DSP: variants seen among roughly 807,000 people sequenced by gnomAD.
DSP encodes 250/210 kDa paraneoplastic pemphigus antigen.
DSP carries 114 observed loss-of-function variants against 290.6 expected under a neutral mutation model. That is an observed-to-expected ratio of 0.39 (90% confidence interval 0.34 to 0.46). DSP has a LOEUF of 0.46. Among genes scored for constraint, DSP ranks in the 20% least tolerant of loss-of-function variants. DSP has a pLI of 0.99. For synonymous variants in DSP, 1,311 were observed against 1,316.4 expected (o/e 1.00, Z 0.09); for missense variants, 3,230 against 3,495.8 (o/e 0.92, Z 1.92).
chr6:7,579,202 G>A lies in DSP; in HGVS notation c.3085-73G>A. 7 of 1,582,218 alleles carry A rather than the reference G, an allele frequency of 4.4e-6. No homozygotes were observed. In the South Asian group the frequency reaches 8.0e-5, roughly 18 times the overall value. On this transcript the variant is annotated intron_variant, in intron 22 of 23. Transcript: ENST00000379802. The surrounding 1 kb of genome is among the most constrained non-coding windows in gnomAD (Gnocchi z 4.1). ...ATAAGAATGCACATTGGTCTGGGAG[G>A]GGAAAAGTACTGCTTCTTTCTTGGA...
intron 1 of DSP, among the ~76,000 whole-genome samples, chr6:7,549,907 CAAAG>C (rs1394539239): frequency 4.6e-5 from 7 of 152,292 alleles, no homozygotes; most frequent in African/African-American, 7.2e-5. Context: ...TTTTATAAAA[CAAAG>C]AGAGTAACTC....
intron 1 of DSP, among the ~76,000 whole-genome samples, chr6:7,544,825 T>G (rs560316050): frequency 6.6e-6 from 1 of 152,320 alleles, no homozygotes; most frequent in South Asian, 2.1e-4. Context: ...GTGTCTTTGT[T>G]TTAGATTGAA....
intron 1 of DSP, among the ~76,000 whole-genome samples, chr6:7,554,082 AAC>A (rs10658102): frequency 0.01 from 1,162 of 115,928 alleles, 3 homozygotes; most frequent in Middle Eastern, 0.025. Context: ...CTTTCTTTAA[AAC>A]ACACACACAC....
chr6:7,574,289 T>C (rs927978832), intron 16 of DSP, 37 bp downstream of exon 16: 1 of 1,600,600 alleles, frequency 6.2e-7, no homozygotes, highest in African/African-American at 1.3e-5. Context: ...ATTTTCCTTT[T>C]CTCAAGCTTC....
rs1377309647 is a variant in DSP, at chr6:7,585,357, G to A, written c.8095G>A (p.Glu2699Lys). Residue 2699 changes from glutamate to lysine, a missense_variant, in exon 24 of 24, where the codon GAG becomes AAG. Around this residue, in one of 5 missense-constraint regions of DSP, gnomAD observed 582 missense variants for 555.4 expected, o/e 1.05. Transcript: ENST00000379802. Reference protein sequence around the residue: ...KPAQKAFIGFEGVKGKKKMSA... With the variant: ...KPAQKAFIGFKGVKGKKKMSA... ...TGCTCAGAAAGCCTTCATAGGCTTCGAGGGTGTGAAGGGAAAGAAGAAGAT... is the reference window on the plus strand; with the variant it reads ...TGCTCAGAAAGCCTTCATAGGCTTCAAGGGTGTGAAGGGAAAGAAGAAGAT... The A allele has an allele frequency of 1.2e-6, 2 of 1,614,118 alleles. No individual in the cohort carries two copies. The highest frequency in any genetic ancestry group is 2.2e-5 in the East Asian group (1 of 44,872).
At position 7,582,644 on chromosome 6, in the gene DSP, A is replaced by C. The variant is rs1355346786; in HGVS notation, c.5382A>C (p.Ala1794=). The change falls in exon 24 of 24, where the codon GCA becomes GCC. Residue 1794 remains alanine, a splice_region_variant and synonymous_variant. Transcript: ENST00000379802. The surrounding 1 kb of genome is among the most constrained non-coding windows in gnomAD (Gnocchi z 4.2). The part of the protein sequence containing the change: ...IEKFQKQALE[A]SNRIQESKNQ... The stretch of plus-strand genomic sequence containing the variant: ...ATTTCTTTCTTCTTCAATTCCAGGC[A>C]TCTAATAGGATTCAGGAATCAAAGA... 6.2e-7 allele frequency: 1 copy of C among 1,611,548 alleles called. No individual in the cohort carries two copies. The highest frequency in any genetic ancestry group is 8.5e-7 in the Non-Finnish European group (1 of 1,177,706).
intron 15 of DSP, among the ~76,000 whole-genome samples, chr6:7,573,120 G>A (rs902121325): frequency 8.7e-5 from 13 of 149,726 alleles, no homozygotes; most frequent in Admixed American, 6.0e-4. Flanking sequence ...AAAAAAAAAT[G>A]TGTGTGTGTG....
intron 1 of DSP, among the ~76,000 whole-genome samples, 186 bp downstream of exon 1, chr6:7,542,271 G>A (rs939338889): frequency 7.0e-6 from 1 of 143,084 alleles, no homozygotes; most frequent in African/African-American, 2.6e-5. Flanking sequence ...GGACAGGTTG[G>A]CCCCTGTCCT....
chr6:7,569,166 T>C lies in DSP; in HGVS notation c.1420-20T>C. 6.2e-7 allele frequency: 1 copy of C among 1,614,112 alleles called. No homozygotes were observed. Among genetic ancestry groups the C allele is most frequent in the Non-Finnish European group, 8.5e-7 (1 of 1,180,004 alleles). On this transcript the variant is annotated intron_variant, in intron 11 of 23. Transcript: ENST00000379802. ...CATACTTATGAATAAAGCCAAACCC[T>C]GGGGTTGCTTGCCTTACAGAAAATC...
At chr6:7,560,057 A>T (rs1444069084) in intron 4 of DSP, among the ~76,000 whole-genome samples, 1 of 152,220 alleles carries the variant, frequency 6.6e-6, no homozygotes, top group Non-Finnish European at 1.5e-5. Flanking sequence ...GTGTTGTTTC[A>T]TGTAGTCATT....
chr6:7,566,364 T>G lies in DSP; in HGVS notation c.940-13T>G. 6.2e-7 allele frequency: 1 copy of G among 1,607,200 alleles called. No homozygotes were observed. The highest frequency in any genetic ancestry group is 1.1e-5 in the South Asian group (1 of 90,960). On this transcript the variant is annotated splice_polypyrimidine_tract_variant and intron_variant, in intron 7 of 23. Coordinates refer to ENST00000379802, the MANE Select transcript of DSP (RefSeq NM_004415.4). ...GACTTGCTGCAAAGGATTTCTTATT[T>G]CTTCATTCACAGATACGCATGAGTC...
intron 1 of DSP, among the ~76,000 whole-genome samples, chr6:7,549,822 AT>A (rs1186476042): frequency 6.6e-6 from 1 of 152,212 alleles, no homozygotes; most frequent in African/African-American, 2.4e-5. Flanking sequence ...GAGAAAATAT[AT>A]AAACAAAAAG....
At chr6:7,545,375 A>T (rs192578694) in intron 1 of DSP, among the ~76,000 whole-genome samples, 1 of 152,174 alleles carries the variant, frequency 6.6e-6, no homozygotes, top group South Asian at 2.1e-4. Context: ...CAGAGACAGG[A>T]AGCTGAGGAC....
intron 1 of DSP, among the ~76,000 whole-genome samples, chr6:7,550,831 A>G (rs1335336380): frequency 6.6e-6 from 1 of 150,970 alleles, no homozygotes; most frequent in Non-Finnish European, 1.5e-5. Flanking sequence ...GACATCTGCC[A>G]TCTTCTGTGC....
chr6:7,581,378 G>T lies in DSP; in HGVS notation c.5188G>T (p.Glu1730Ter). The change falls in exon 23 of 24, where the codon GAG (glutamate) becomes TAG (stop). Residue 1730 changes from glutamate (E) to a stop codon, truncating the protein, a stop_gained. Transcript: ENST00000379802. LOFTEE classifies it high-confidence loss of function. ...AGAAGAACTGCGGAACCTGAGGCTG[G>T]AGTACGATGACCTGAGGAGAGGACG... Reference protein sequence around the residue: ...LEEELRNLRLEYDDLRRGRSE... With the variant: ...LEEELRNLRL The T allele has an allele frequency of 6.2e-7, 1 of 1,614,200 alleles. No homozygotes were observed. The highest frequency in any genetic ancestry group is 1.1e-5 in the South Asian group (1 of 91,082).
In DSP at chr6:7,576,959, A is replaced by G. The variant is rs773890429; in HGVS notation, c.2794A>G (p.Asn932Asp). 4.3e-6 allele frequency: 7 copies of G among 1,612,990 alleles called. No homozygotes were observed. The South Asian group carries it at 7.7e-5, about 18-fold the overall frequency. Reference sequence around the variant, plus strand: ...GGTAAATATTTCACTTTTTGTATAGAACTTGCACAGTGAAATATCTGGCAA... The same window carrying G: ...GGTAAATATTTCACTTTTTGTATAGGACTTGCACAGTGAAATATCTGGCAA... ...TVMRFLNEQKNLHSEISGKRD... is the reference protein window; with the variant it reads ...TVMRFLNEQKDLHSEISGKRD... Residue 932 changes from asparagine (N) to aspartate (D), a missense_variant and splice_region_variant, in exon 20 of 24, where the codon AAC becomes GAC. Coordinates refer to ENST00000379802, the MANE Select transcript of DSP (RefSeq NM_004415.4).
rs189179699 is a variant in DSP at position 7,564,024 on chromosome 6, C to G, written c.777+238C>G. On this transcript the variant is annotated intron_variant, in intron 6 of 23. Transcript: ENST00000379802. Reference sequence around the variant, plus strand: ...TGTTAACCAGGGTGGTCTCAAACTCCTGACCTCAAGTGATCCGCCCGCCTT... The same window carrying G: ...TGTTAACCAGGGTGGTCTCAAACTCGTGACCTCAAGTGATCCGCCCGCCTT... 2.6e-3 allele frequency among the ~76,000 whole-genome samples: 393 copies of G among 152,308 alleles called. 1 individual carries two copies. Among genetic ancestry groups the G allele is most frequent in the Middle Eastern group, 0.01 (3 of 294 alleles).
At position 7,566,413 on chromosome 6, in the gene DSP, C is replaced by T. The variant is rs117961973; in HGVS notation, c.976C>T (p.Leu326Phe). Residue 326 changes from leucine (L) to phenylalanine (F), a missense_variant, in exon 8 of 24, where the codon CTC becomes TTC. Leu to Phe is a conservative substitution (Grantham distance 22). Coordinates refer to ENST00000379802, the MANE Select transcript of DSP (RefSeq NM_004415.4). ...MSQLEVKEKE[L>F]NKLKQESDQL... ...TCAACTGGAAGTTAAAGAAAAAGAG[C>T]TCAATAAGCTGAAACAAGAAAGTGA... The T allele has an allele frequency of 2.5e-6, 4 of 1,613,766 alleles. No individual in the cohort carries two copies. In the African/African-American group the frequency reaches 4.0e-5, roughly 16 times the overall value.
intron 10 of DSP, 106 bp downstream of exon 10, chr6:7,568,012 C>G: frequency 6.6e-7 from 1 of 1,507,392 alleles, no homozygotes; most frequent in South Asian, 1.2e-5. Context: ...CAATGCACGC[C>G]CAGAGCCAAG....
Sources: gnomAD v4.1 joint callset for allele counts (sites outside exome capture counted in the v4.1 genomes callset) on GRCh38, gnomAD v4.1.1 for gene constraint, gnomAD v4.1.1 regional missense constraint, Gnocchi (gnomAD v3.1) non-coding constraint, MANE v1.5 for transcripts, NCBI Gene and HGNC (gene_info 2026-07-23, HGNC 2026-07-21) for gene names.